Variants in MECOM observed in about 807,000 individuals in gnomAD.
MECOM encodes MDS1 and EVI1 complex locus.
Under a neutral mutation model 116.3 loss-of-function variants are expected in MECOM, and 13 were observed. That is an observed-to-expected ratio of 0.11 (90% CI 0.07 to 0.18). The LOEUF is 0.18. MECOM is among the 10% of genes least tolerant of loss of function. The pLI is 1.00. For synonymous variants in MECOM, 528 were observed against 535.2 expected, an observed-to-expected ratio of 0.99 and a Z score of 0.19; for missense variants, 1,299 against 1,509.0, an observed-to-expected ratio of 0.86 and a Z score of 2.31.
chr3:169,563,745 A>G (rs181064731), intron 1 of MECOM, among the ~76,000 whole-genome samples: 19 of 152,296 alleles, frequency 1.2e-4, no homozygotes, highest in Admixed American at 6.5e-4. Context: ...TTCCTCTACA[A>G]AGAGCTTCAG....
chr3:169,135,832 T>C (rs990326475), intron 3 of MECOM, among the ~76,000 whole-genome samples: 3 of 151,876 alleles, frequency 2.0e-5, no homozygotes, highest in African/African-American at 7.2e-5. Flanking sequence ...ATAGTAAATG[T>C]TTTAGTAACA....
At chr3:169,457,495 T>G (rs1746725757) in intron 1 of MECOM, among the ~76,000 whole-genome samples, 1 of 152,156 alleles carries the variant, frequency 6.6e-6, no homozygotes, top group South Asian at 2.1e-4. Context: ...ACCTAAAAAT[T>G]ATTCACTCTT....
intron 1 of MECOM, chr3:169,566,104 C>T: frequency 3.1e-6 from 1 of 322,230 alleles, no homozygotes; most frequent in South Asian, 2.4e-5. Flanking sequence ...TGTAAACCAT[C>T]AGATCTTGTG....
chr3:169,372,502 A>G (rs978030269), intron 2 of MECOM, among the ~76,000 whole-genome samples: 2 of 152,060 alleles, frequency 1.3e-5, no homozygotes, highest in Non-Finnish European at 2.9e-5. Context: ...GTTAGTTAGA[A>G]AACGGTCAGT....
In MECOM at chr3:169,285,341, C is replaced by T. The variant is rs1052905587; in HGVS notation, c.375+95846G>A. 4.6e-5 allele frequency among the ~76,000 whole-genome samples: 7 copies of T among 152,256 alleles called. No individual in the cohort carries two copies. In the East Asian group the frequency reaches 1.2e-3, roughly 25 times the overall value. Reference sequence around the variant, plus strand: ...GAACATTATTTCTCAGAGCCCTAATCCCATGGTCCTTATTAAATTTTCCAT... The same window carrying T: ...GAACATTATTTCTCAGAGCCCTAATTCCATGGTCCTTATTAAATTTTCCAT... On this transcript the variant is annotated intron_variant, in intron 2 of 16. Coordinates refer to ENST00000651503, the MANE Select transcript of MECOM (RefSeq NM_004991.4).
intron 2 of MECOM, among the ~76,000 whole-genome samples, chr3:169,180,368 A>G (rs79672513): frequency 0.059 from 9,040 of 152,152 alleles, 443 homozygotes; most frequent in East Asian, 0.29. Context: ...ATACACGTAT[A>G]CATACACACT....
chr3:169,361,294 A>G (rs533028620), intron 2 of MECOM, among the ~76,000 whole-genome samples: 1 of 151,834 alleles, frequency 6.6e-6, no homozygotes. Context: ...AACATGAATC[A>G]ATGTTTCAAA....
intron 1 of MECOM, among the ~76,000 whole-genome samples, chr3:169,433,505 A>C (rs1424163412): frequency 6.6e-6 from 1 of 151,616 alleles, no homozygotes. Flanking sequence ...AGAATGAAAG[A>C]AAGAAAAGAA....
intron 2 of MECOM, among the ~76,000 whole-genome samples, chr3:169,297,909 A>G (rs1021185546): frequency 2.6e-5 from 4 of 152,246 alleles, no homozygotes; most frequent in African/African-American, 9.6e-5. Context: ...CATAAACAGA[A>G]ACAGAGTAGG....
At chr3:169,414,574 T>C (rs918692460) in intron 1 of MECOM, among the ~76,000 whole-genome samples, 2 of 152,200 alleles carry the variant, frequency 1.3e-5, no homozygotes, top group African/African-American at 2.4e-5. Flanking sequence ...AGGTGGGTAA[T>C]AACAAACTCC....
At chr3:169,656,809 A>G (rs990672782) in intron 1 of MECOM, among the ~76,000 whole-genome samples, 1 of 152,180 alleles carries the variant, frequency 6.6e-6, no homozygotes, top group Non-Finnish European at 1.5e-5. Context: ...CTTTCCTAAC[A>G]ACTCCAGATG....
intron 2 of MECOM, among the ~76,000 whole-genome samples, chr3:169,201,779 T>C (rs1028937423): frequency 6.6e-6 from 1 of 152,152 alleles, no homozygotes; most frequent in East Asian, 1.9e-4. Flanking sequence ...TATGTATGGA[T>C]GAGAAGGACA....
chr3:169,511,068 A>G (rs1010732116), intron 1 of MECOM, among the ~76,000 whole-genome samples: 1 of 152,166 alleles, frequency 6.6e-6, no homozygotes, highest in African/African-American at 2.4e-5. Context: ...TTACTTTTTA[A>G]ATCTTATTAT....
intron 1 of MECOM, among the ~76,000 whole-genome samples, chr3:169,411,719 A>G (rs1332375401): frequency 6.6e-6 from 1 of 152,262 alleles, no homozygotes; most frequent in Non-Finnish European, 1.5e-5. Flanking sequence ...GACTGGGCGC[A>G]GTGGCTCATG....
chr3:169,238,066 T>A (rs1156280298), intron 2 of MECOM, among the ~76,000 whole-genome samples: 1 of 150,766 alleles, frequency 6.6e-6, no homozygotes, highest in Non-Finnish European at 1.5e-5. Context: ...TTCCAGCTAG[T>A]CTGGAGGCTG....
Position 169,084,172 on chromosome 3 carries a change from T to G in MECOM, c.*737A>C. ...TAAACATTAAAAACAGTGACATGAT[T>G]GTCTAAAATTAAGATGTTATTACAA... On this transcript the variant is annotated 3_prime_UTR_variant, in exon 17 of 17. Transcript: ENST00000651503. 3 of 232,206 alleles carry G rather than the reference T, an allele frequency of 1.3e-5. No homozygotes were observed. Among genetic ancestry groups the G allele is most frequent in the Non-Finnish European group, 2.6e-5 (3 of 117,406 alleles). 14.4% of individuals were successfully genotyped at this position (232,206 alleles called of 1,614,324 possible).
At chr3:169,465,652 G>A (rs1331454863) in intron 1 of MECOM, among the ~76,000 whole-genome samples, 1 of 152,120 alleles carries the variant, frequency 6.6e-6, no homozygotes, top group Admixed American at 6.5e-5. Flanking sequence ...TGTTAACAGA[G>A]CTATTGAACA....
chr3:169,150,924 C>A (rs1741086458), intron 2 of MECOM, among the ~76,000 whole-genome samples: 2 of 152,128 alleles, frequency 1.3e-5, no homozygotes, highest in African/African-American at 4.8e-5. Context: ...CCTTCCTTCC[C>A]CAGCTGTGTG....
rs551084794 is a variant in MECOM at position 169,531,932 on chromosome 3, G to A, written c.37+131404C>T. On this transcript the variant is annotated intron_variant, in intron 1 of 16. Transcript: ENST00000651503. Reference sequence around the variant, plus strand: ...CAAGTTTTAGATCAAAAGGATCTGGGTTCACAATCCTGACTTAGCCACTCC... The same window carrying A: ...CAAGTTTTAGATCAAAAGGATCTGGATTCACAATCCTGACTTAGCCACTCC... Among the ~76,000 whole-genome samples the A allele has an allele frequency of 8.5e-5, 13 of 152,260 alleles. No individual in the cohort carries two copies. In the East Asian group the frequency reaches 2.5e-3, roughly 29 times the overall value.
Sources: gnomAD v4.1 joint callset for allele counts (sites outside exome capture counted in the v4.1 genomes callset) on GRCh38, gnomAD v4.1.1 for gene constraint, MANE v1.5 for transcripts, NCBI Gene and HGNC (gene_info 2026-07-23, HGNC 2026-07-21) for gene names.